KCNK16: variants seen among roughly 807,000 people sequenced by gnomAD.
The protein encoded by KCNK16 is potassium channel subfamily K member 16.
Under a neutral mutation model 23.0 loss-of-function variants are expected in KCNK16, and 23 were observed. The ratio of observed to expected loss-of-function variants is 1.00; its 90% CI spans 0.72 to 1.41. The LOEUF (loss-of-function observed/expected upper bound fraction) is 1.41. KCNK16 is among the 40% of genes most tolerant of loss of function. KCNK16 has a pLI of 0.00. For missense variants in KCNK16, 327 were observed against 365.8 expected (o/e 0.89, Z 0.87); for synonymous variants, 145 against 153.5 (o/e 0.94, Z 0.41).
Position 39,322,594 on chromosome 6 carries a change from G to A in KCNK16, c.-54C>T. ...GGGGCTGGCTATGGGGGAGAGGTGG[G>A]AAACAGGTGAGGAGTAAGCACCTAG... On this transcript the variant is annotated 5_prime_UTR_variant, in exon 1 of 5. Coordinates refer to ENST00000437525, the MANE Select transcript of KCNK16 (RefSeq NM_001135106.2). 6.5e-7 allele frequency: 1 copy of A among 1,526,796 alleles called. No individual in the cohort carries two copies. Among genetic ancestry groups the A allele is most frequent in the Non-Finnish European group, 8.8e-7 (1 of 1,140,620 alleles). The allele number at this position is 1,526,796 out of a possible 1,614,324, so 94.6% of individuals were successfully genotyped here. A position where few individuals can be genotyped will look rare whatever the true frequency, so the allele number is the denominator to read the frequency against.
At chr6:39,322,714 G>A, upstream of KCNK16, 1 of 1,037,596 alleles carries the variant, frequency 9.6e-7, no homozygotes, top group Non-Finnish European at 1.4e-6. Context: ...GCTCAGCTTG[G>A]CTGCACTAAG....
downstream of KCNK16, chr6:39,315,104 CT>C: frequency 6.2e-7 from 1 of 1,614,208 alleles, no homozygotes; most frequent in Non-Finnish European, 8.5e-7. Flanking sequence ...CTGGAGCCGC[CT>C]TGGCTCCACA....
In KCNK16 at chr6:39,318,023, T is replaced by C. The variant is rs559482456; in HGVS notation, c.329-71A>G. ...CCCTCTGCTCCTCTTCCCCAGACTC[T>C]AGCTGAGGTTTGTCTGTCACCACCT... On this transcript the variant is annotated intron_variant, in intron 2 of 4. Transcript: ENST00000437525. 49 of 1,431,134 alleles carry C rather than the reference T, an allele frequency of 3.4e-5. No individual in the cohort carries two copies. In the East Asian group the frequency reaches 1.1e-3, roughly 33 times the overall value. 88.7% of individuals were successfully genotyped at this position (1,431,134 alleles called of 1,614,324 possible).
chr6:39,318,254 T>C (rs980986697), intron 2 of KCNK16, among the ~76,000 whole-genome samples: 1 of 152,212 alleles, frequency 6.6e-6, no homozygotes, highest in African/African-American at 2.4e-5. Context: ...GACTTTGTTT[T>C]CTATTACTTT....
intron 3 of KCNK16, 101 bp from the exon 4 acceptor site, chr6:39,317,048 T>C: frequency 8.3e-7 from 1 of 1,202,498 alleles, no homozygotes; most frequent in South Asian, 1.5e-5. Flanking sequence ...GACTGGGCCA[T>C]AGCTAGGACC....
chr6:39,318,092 C>A (rs1377991486), intron 2 of KCNK16, 140 bp from the exon 3 acceptor site: 7 of 781,752 alleles, frequency 9.0e-6, no homozygotes, highest in Non-Finnish European at 5.7e-6. Context: ...ATGAACTCTG[C>A]TGGAATGATT....
chr6:39,322,477 C>T lies in KCNK16; in HGVS notation c.64G>A (p.Val22Ile). The T allele has an allele frequency of 6.2e-7, 1 of 1,613,720 alleles. No individual in the cohort carries two copies. Among genetic ancestry groups the T allele is most frequent in the Non-Finnish European group, 8.5e-7 (1 of 1,179,974 alleles). The change falls in exon 1 of 5, where the codon GTC becomes ATC. Residue 22 changes from valine (V) to isoleucine (I), a missense_variant. Coordinates refer to ENST00000437525, the MANE Select transcript of KCNK16 (RefSeq NM_001135106.2). ...GTGGCACCGAGCAGCAGGTAGCAGACATAGGCCAGCAGCAGGGGCAGCACC... is the reference window on the plus strand; with the variant it reads ...GTGGCACCGAGCAGCAGGTAGCAGATATAGGCCAGCAGCAGGGGCAGCACC... ...GRVLPLLLAY[V>I]CYLLLGATIF...
At position 39,319,560 on chromosome 6, in the gene KCNK16, AG is replaced by A. The variant is rs1241410951; in HGVS notation, c.214-428del. Among the ~76,000 whole-genome samples, 1 of 152,150 alleles carries A rather than the reference AG, an allele frequency of 6.6e-6. No homozygotes were observed. The highest frequency in any genetic ancestry group is 1.5e-5 in the Non-Finnish European group (1 of 68,028). The stretch of plus-strand genomic sequence containing the variant: ...TCTGGAAGGGATTGCTGGGGAACAC[AG>A]GGTTTAGGGACCACAGGGAAGCCAT... On this transcript the variant is annotated intron_variant, in intron 1 of 4. Transcript: ENST00000437525. This position sits in a 1 kb window ranked among gnomAD's most constrained non-coding sequence, Gnocchi z 4.2.
chr6:39,320,249 A>G (rs74948169), intron 1 of KCNK16, among the ~76,000 whole-genome samples: 4 of 152,196 alleles, frequency 2.6e-5, no homozygotes, highest in South Asian at 4.1e-4. Flanking sequence ...CTGGCCTCTT[A>G]AGATGTGGAC....
In KCNK16 at chr6:39,317,890, A is replaced by G; in HGVS notation, c.391T>C (p.Leu131=). The G allele has an allele frequency of 6.2e-7, 1 of 1,613,910 alleles. No homozygotes were observed. The highest frequency in any genetic ancestry group is 8.5e-7 in the Non-Finnish European group (1 of 1,179,908). The change falls in exon 3 of 5, where the codon TTG becomes CTG. Residue 131 remains leucine (L), a synonymous_variant. Transcript: ENST00000437525. ...AAGATCACGTTAAGCGGGATGCCCA[A>G]CAGGGCATAGAAGACACAGAAGACC... The part of the protein sequence containing the change: ...GQVFCVFYAL[L]GIPLNVIFLN...
Position 39,316,392 on chromosome 6 carries a change from T to A in KCNK16, c.712A>T (p.Ile238Phe), listed in dbSNP as rs1290574016. 1 of 1,611,716 alleles carries A rather than the reference T, an allele frequency of 6.2e-7. No homozygotes were observed. The highest frequency in any genetic ancestry group is 1.7e-5 in the Admixed American group (1 of 59,760). The change falls in exon 5 of 5, where the codon ATC (isoleucine) becomes TTC (phenylalanine). Residue 238 changes from isoleucine to phenylalanine, a missense_variant. By Grantham distance (21) the Ile-to-Phe change is conservative. Transcript: ENST00000437525. ...YISVYRSLAA[I>F]WILLGLAWLA... is the part of the protein sequence containing the mutation. ...CACGCCAGGCCCAGGAGGATCCAGA[T>A]GGCTGCCAGGCTCCGATACACTGAG...
chr6:39,320,173 G>C (rs559581483), intron 1 of KCNK16, among the ~76,000 whole-genome samples: 2 of 152,214 alleles, frequency 1.3e-5, no homozygotes, highest in Non-Finnish European at 2.9e-5. Flanking sequence ...GGGTGGCCCT[G>C]GTGGGCCAAG....
In KCNK16 at chr6:39,316,778, T is replaced by C. The variant is rs180902394; in HGVS notation, c.661+4A>G. 1.2e-6 allele frequency: 2 copies of C among 1,613,212 alleles called. No homozygotes were observed. Among genetic ancestry groups the C allele is most frequent in the African/African-American group, 2.7e-5 (2 of 75,018 alleles). On this transcript the variant is annotated splice_donor_region_variant and intron_variant, in intron 4 of 4. Transcript: ENST00000437525. ...CTGAGATAATGTGACTGTTTTGTTC[T>C]CACCAACAACATAGTCCCCAAAGCC...
chr6:39,321,949 G>A (rs1762526990), intron 1 of KCNK16, among the ~76,000 whole-genome samples: 1 of 152,258 alleles, frequency 6.6e-6, no homozygotes, highest in Non-Finnish European at 1.5e-5. Context: ...AAGTATGAAA[G>A]TGTGGGAGGA....
intron 4 of KCNK16, 90 bp from the exon 5 acceptor site, chr6:39,316,532 C>T: frequency 3.5e-6 from 5 of 1,445,884 alleles, no homozygotes; most frequent in Non-Finnish European, 4.7e-6. Context: ...CCAGGATGCT[C>T]TCTCCCTCTT....
downstream of KCNK16, chr6:39,315,448 A>G: frequency 6.5e-7 from 1 of 1,541,750 alleles, no homozygotes; most frequent in South Asian, 1.2e-5. Context: ...GGGTCAGGGG[A>G]GGCCATGTTC....
chr6:39,315,804 G>T (rs944305105), downstream of KCNK16, among the ~76,000 whole-genome samples: 1 of 152,138 alleles, frequency 6.6e-6, no homozygotes, highest in Non-Finnish European at 1.5e-5. Flanking sequence ...CCCAGACCCT[G>T]GCACAGACCC....
At position 39,316,477 on chromosome 6, in the gene KCNK16, T is replaced by C. The variant is rs1423988743; in HGVS notation, c.662-35A>G. The C allele has an allele frequency of 1.9e-6, 3 of 1,563,550 alleles. No homozygotes were observed. In the Admixed American group the frequency reaches 5.4e-5, roughly 28 times the overall value. ...AAGGGAATGGCATCAATGCCAGGGG[T>C]CTCAGGGCATAGCCACCTCCAGTTT... On this transcript the variant is annotated intron_variant, in intron 4 of 4. Transcript: ENST00000437525.
downstream of KCNK16, chr6:39,315,068 T>A: frequency 6.2e-7 from 1 of 1,614,224 alleles, no homozygotes; most frequent in Non-Finnish European, 8.5e-7. Context: ...CTCTTGCTGC[T>A]GTAGAGCCTC....
Sources: gnomAD v4.1 joint callset for allele counts (sites outside exome capture counted in the v4.1 genomes callset) on GRCh38, gnomAD v4.1.1 for gene constraint, Gnocchi (gnomAD v3.1) non-coding constraint, MANE v1.5 for transcripts, NCBI Gene and HGNC (gene_info 2026-07-23, HGNC 2026-07-21) for gene names.